The following SHOC1 variants were observed in gnomAD, a reference collection of about 807,000 sequenced individuals.
SHOC1 encodes the protein shortage in chiasmata 1.
SHOC1 carries 136 observed loss-of-function variants against 179.2 expected under a neutral mutation model. That is an observed-to-expected ratio of 0.76 (90% CI 0.66 to 0.87). SHOC1 has a LOEUF of 0.87. Among genes scored for constraint, SHOC1 ranks in the 40% least tolerant of loss-of-function variants. The pLI is 0.00. For missense variants in SHOC1, 1,538 were observed against 1,700.8 expected (o/e 0.90, Z 1.68); for synonymous variants, 489 against 586.6 (o/e 0.83, Z 2.41).
intron 2 of SHOC1, among the ~76,000 whole-genome samples, chr9:111,788,270 C>T (rs1162328926): frequency 6.6e-6 from 1 of 151,918 alleles, no homozygotes; most frequent in African/African-American, 2.4e-5. Flanking sequence ...CCTCAGCCTC[C>T]TGAGTAGCTG....
Position 111,791,442 on chromosome 9 carries a change from TA to T in SHOC1, c.-25del. On this transcript the variant is annotated 5_prime_UTR_variant, in exon 2 of 28. An upstream open reading frame in the 5' UTR gains an earlier in-frame stop. Coordinates refer to ENST00000682961, the MANE Select transcript of SHOC1 (RefSeq NM_001378211.1). ...ATATCTTCTTTCTTTCAAAGCAGTGTAAATTTCAACATCTGGAAATACAAAA... is the reference window on the plus strand; with the variant it reads ...ATATCTTCTTTCTTTCAAAGCAGTGTAATTTCAACATCTGGAAATACAAAA... The T allele has an allele frequency of 7.0e-7, 1 of 1,431,724 alleles. No individual in the cohort carries two copies. Among genetic ancestry groups the T allele is most frequent in the South Asian group, 1.6e-5 (1 of 63,726 alleles). 88.7% of individuals were successfully genotyped at this position (1,431,724 alleles called of 1,614,324 possible).
intron 11 of SHOC1, among the ~76,000 whole-genome samples, chr9:111,738,795 G>A (rs1253998884): frequency 6.6e-6 from 1 of 152,086 alleles, no homozygotes; most frequent in Non-Finnish European, 1.5e-5. Flanking sequence ...TTTAGTAGAA[G>A]GAAATCTTAT....
In SHOC1 at chr9:111,738,506, C is replaced by A; in HGVS notation, c.1191G>T (p.Glu397Asp). 6.4e-7 allele frequency: 1 copy of A among 1,555,426 alleles called. No homozygotes were observed. Among genetic ancestry groups the A allele is most frequent in the Non-Finnish European group, 8.6e-7 (1 of 1,159,204 alleles). Reference sequence around the variant, plus strand: ...CTGTAACTGAATATTGGCTGTGGGGCTCTTGAATTCTTGGCACTTAAAAAA... The same window carrying A: ...CTGTAACTGAATATTGGCTGTGGGGATCTTGAATTCTTGGCACTTAAAAAA... ...PFLLTVPRIQ[E>D]PHSQYSVTDL... Residue 397 changes from glutamate to aspartate, a missense_variant, in exon 12 of 28, where the codon GAG becomes GAT. Glu to Asp is a conservative substitution (Grantham distance 45). Coordinates refer to ENST00000682961, the MANE Select transcript of SHOC1 (RefSeq NM_001378211.1).
chr9:111,766,472 T>C (rs960326961), intron 5 of SHOC1, among the ~76,000 whole-genome samples: 1 of 152,224 alleles, frequency 6.6e-6, no homozygotes, highest in South Asian at 2.1e-4. Flanking sequence ...CTGCTCTCCA[T>C]AGTGGCTGTT....
At chr9:111,687,990 A>C (rs1589365020) in intron 27 of SHOC1, among the ~76,000 whole-genome samples, 1 of 152,236 alleles carries the variant, frequency 6.6e-6, no homozygotes, top group South Asian at 2.1e-4. Flanking sequence ...GGAGCTAAAG[A>C]ATCCTTAAGT....
intron 11 of SHOC1, among the ~76,000 whole-genome samples, chr9:111,738,849 T>C (rs965820827): frequency 6.6e-6 from 1 of 152,192 alleles, no homozygotes; most frequent in African/African-American, 2.4e-5. Context: ...TTTAACATTT[T>C]GAAGTAATAC....
chr9:111,729,083 C>T (rs1833443382), intron 12 of SHOC1, among the ~76,000 whole-genome samples: 1 of 148,452 alleles, frequency 6.7e-6, no homozygotes, highest in East Asian at 1.9e-4. Flanking sequence ...TTTACTAAGT[C>T]ATAAACTTTT....
chr9:111,711,105 C>T (rs1832522751), intron 18 of SHOC1, among the ~76,000 whole-genome samples: 1 of 152,024 alleles, frequency 6.6e-6, no homozygotes, highest in Non-Finnish European at 1.5e-5. Flanking sequence ...GTATCCAAAG[C>T]ACAAGTGAAA....
At position 111,722,507 on chromosome 9, in the gene SHOC1, A is replaced by G; in HGVS notation, c.2033T>C (p.Leu678Pro). The part of the protein sequence containing the change: ...ILKNLVSLCT[L>P]PTANWKFATV... ...GGCAAATTTCCAATTAGCAGTAGGG[A>G]GGGTACACAAGGATACAAGGTTTTT... is the stretch of plus-strand genomic sequence containing the variant. Residue 678 changes from leucine (L) to proline (P), a missense_variant, in exon 15 of 28, where the codon CTC (leucine) becomes CCC (proline). Coordinates refer to ENST00000682961, the MANE Select transcript of SHOC1 (RefSeq NM_001378211.1). 1 of 1,612,262 alleles carries G rather than the reference A, an allele frequency of 6.2e-7. No individual in the cohort carries two copies. The highest frequency in any genetic ancestry group is 1.1e-5 in the South Asian group (1 of 90,472).
chr9:111,779,351 G>T (rs987386860), intron 4 of SHOC1, among the ~76,000 whole-genome samples: 1 of 152,110 alleles, frequency 6.6e-6, no homozygotes, highest in African/African-American at 2.4e-5. Flanking sequence ...TAGTGTTAAT[G>T]CTGCCAGTCC....
At position 111,780,922 on chromosome 9, in the gene SHOC1, A is replaced by G. The variant is rs767591975; in HGVS notation, c.257+8T>C. 1.3e-6 allele frequency: 2 copies of G among 1,598,526 alleles called. No individual in the cohort carries two copies. The highest frequency in any genetic ancestry group is 2.2e-5 in the South Asian group (2 of 90,398). ...GTAAAAGAGAAATTTGAGATTAAGGATACATACTTCTCAAGGAAATCCTCC... is the reference window on the plus strand; with the variant it reads ...GTAAAAGAGAAATTTGAGATTAAGGGTACATACTTCTCAAGGAAATCCTCC... On this transcript the variant is annotated splice_region_variant and intron_variant, in intron 4 of 27. Transcript: ENST00000682961.
chr9:111,699,145 G>A (rs981486830), intron 24 of SHOC1, among the ~76,000 whole-genome samples: 3 of 152,102 alleles, frequency 2.0e-5, no homozygotes, highest in Admixed American at 6.6e-5. Context: ...TAGTTAGGAA[G>A]CTACTTTAAA....
intron 2 of SHOC1, among the ~76,000 whole-genome samples, chr9:111,786,627 G>T (rs1402614555): frequency 1.4e-5 from 2 of 147,658 alleles, no homozygotes; most frequent in Non-Finnish European, 3.0e-5. Context: ...TTTGGTAACT[G>T]TCCCAACATT....
At chr9:111,700,892 T>C (rs1831940450) in intron 23 of SHOC1, among the ~76,000 whole-genome samples, 1 of 152,176 alleles carries the variant, frequency 6.6e-6, no homozygotes, top group Non-Finnish European at 1.5e-5. Flanking sequence ...TCTAATGAGC[T>C]CGTCTGGTAG....
chr9:111,736,258 A>C (rs543075810), intron 12 of SHOC1, among the ~76,000 whole-genome samples: 1 of 152,300 alleles, frequency 6.6e-6, no homozygotes, highest in East Asian at 1.9e-4. Context: ...GAGTAGACAA[A>C]GCAATCCTAA....
chr9:111,738,792 G>A (rs560487012), intron 11 of SHOC1, among the ~76,000 whole-genome samples: 9 of 152,254 alleles, frequency 5.9e-5, no homozygotes, highest in Admixed American at 5.9e-4. Flanking sequence ...ATATTTAGTA[G>A]AAGGAAATCT....
At chr9:111,698,893 A>G (rs1831831455) in intron 24 of SHOC1, among the ~76,000 whole-genome samples, 1 of 152,162 alleles carries the variant, frequency 6.6e-6, no homozygotes. Context: ...CTTTATGTTG[A>G]CTTAAGTGGG....
At chr9:111,791,832 CTTGAGAATAA>C in intron 1 of SHOC1, among the ~76,000 whole-genome samples, 1 of 137,276 alleles carries the variant, frequency 7.3e-6, no homozygotes, top group Non-Finnish European at 1.6e-5. Context: ...CTCAAGTGGT[CTTGAGAATAA>C]CCATATTTCT....
At chr9:111,703,848 AT>A in intron 22 of SHOC1, 32 bp downstream of exon 22, 1 of 1,069,678 alleles carries the variant, frequency 9.3e-7, no homozygotes, top group Non-Finnish European at 1.4e-6. Flanking sequence ...ATTTTAGTCT[AT>A]TTTAGTTTAT....
Sources: allele counts gnomAD v4.1 joint callset (sites outside exome capture counted in the v4.1 genomes callset), GRCh38; gene constraint gnomAD v4.1.1; transcripts MANE v1.5; gene names NCBI Gene and HGNC (gene_info 2026-07-23, HGNC 2026-07-21).